Variants in SYT16 observed in about 807,000 individuals in gnomAD.
SYT16 encodes synaptotagmin-16.
In SYT16, 42 loss-of-function variants were observed where a neutral mutation model predicts 61.4. That is an observed-to-expected ratio of 0.68 (90% confidence interval 0.53 to 0.89). The LOEUF (loss-of-function observed/expected upper bound fraction) is 0.89. Among genes scored for constraint, SYT16 ranks in the 40% least tolerant of loss-of-function variants. SYT16 has a pLI of 0.00. For synonymous variants in SYT16, 314 were observed against 302.3 expected (o/e 1.04, Z -0.40); for missense variants, 804 against 807.3 (o/e 1.00, Z 0.05).
At chr14:61,830,183 T>G (rs2045896249) in intron 1 of SYT16, among the ~76,000 whole-genome samples, 1 of 152,372 alleles carries the variant, frequency 6.6e-6, no homozygotes, top group Non-Finnish European at 1.5e-5. Flanking sequence ...CGCTTTAAAA[T>G]CCTTGTCATA....
chr14:62,080,043 G>A (rs2056652027), intron 5 of SYT16, among the ~76,000 whole-genome samples: 1 of 152,200 alleles, frequency 6.6e-6, no homozygotes, highest in Admixed American at 6.5e-5. Flanking sequence ...CTAGACTACC[G>A]AGAGGCTGGT....
intron 2 of SYT16, among the ~76,000 whole-genome samples, chr14:61,991,252 G>A (rs1378987754): frequency 6.6e-6 from 1 of 151,710 alleles, no homozygotes; most frequent in Admixed American, 6.6e-5. Context: ...GTAATAATGG[G>A]CCTTCTCAGA....
intron 1 of SYT16, among the ~76,000 whole-genome samples, chr14:61,939,620 G>T (rs140697291): frequency 3.3e-5 from 5 of 152,124 alleles, no homozygotes; most frequent in Admixed American, 1.3e-4. Flanking sequence ...GATGCCAGTC[G>T]TGTTGGATCT....
At chr14:62,039,303 G>T (rs533459782) in intron 3 of SYT16, among the ~76,000 whole-genome samples, 7 of 152,276 alleles carry the variant, frequency 4.6e-5, no homozygotes, top group African/African-American at 1.7e-4. Flanking sequence ...GAGGTGCCTT[G>T]GTCATTATGA....
At chr14:62,020,474 C>T (rs1190069669) in intron 3 of SYT16, among the ~76,000 whole-genome samples, 1 of 152,186 alleles carries the variant, frequency 6.6e-6, no homozygotes, top group Non-Finnish European at 1.5e-5. Context: ...GTTACCCATA[C>T]ATTTGCCCAG....
At chr14:61,969,052 G>T (rs1566725410) in intron 1 of SYT16, among the ~76,000 whole-genome samples, 1 of 152,092 alleles carries the variant, frequency 6.6e-6, no homozygotes, top group Non-Finnish European at 1.5e-5. Context: ...AGATTGGTTT[G>T]ATTAATCTTT....
chr14:61,932,885 C>A (rs897178285), intron 1 of SYT16, among the ~76,000 whole-genome samples: 1 of 152,270 alleles, frequency 6.6e-6, no homozygotes. Context: ...CATCTCTGCT[C>A]ACTCAAAATT....
rs1469595112 is a variant in SYT16 at position 62,100,444 on chromosome 14, C to T, written c.1675C>T (p.Arg559Cys). Residue 559 changes from arginine (R) to cysteine (C), a missense_variant, in exon 8 of 8, where the codon CGT becomes TGT. Physicochemically the swap from Arg to Cys is radical, Grantham distance 180. Coordinates refer to ENST00000683842, the MANE Select transcript of SYT16 (RefSeq NM_001367656.1). ...LLNSVGQEMS[R>C]CKTSIRRGQP... Reference sequence around the variant, plus strand: ...CAATTCTGTGGGTCAAGAGATGTCCCGTTGCAAGACGTCCATTCGGCGTGG... The same window carrying T: ...CAATTCTGTGGGTCAAGAGATGTCCTGTTGCAAGACGTCCATTCGGCGTGG... The T allele has an allele frequency of 6.8e-6, 11 of 1,612,964 alleles. No homozygotes were observed. The highest frequency in any genetic ancestry group is 2.2e-5 in the East Asian group (1 of 44,868).
chr14:62,011,022 C>T (rs1342509276), intron 3 of SYT16, among the ~76,000 whole-genome samples: 1 of 152,066 alleles, frequency 6.6e-6, no homozygotes, highest in East Asian at 1.9e-4. Flanking sequence ...TTAATATTTC[C>T]CTTTGCGAAG....
At chr14:61,934,162 T>C (rs531492716) in intron 1 of SYT16, among the ~76,000 whole-genome samples, 1 of 152,356 alleles carries the variant, frequency 6.6e-6, no homozygotes, top group South Asian at 2.1e-4. Context: ...TATAAACTTA[T>C]TTTGTTTGCT....
intron 3 of SYT16, among the ~76,000 whole-genome samples, chr14:62,011,912 T>A (rs368628457): frequency 2.4e-5 from 2 of 83,652 alleles, no homozygotes; most frequent in African/African-American, 4.9e-5. Context: ...CACATATATA[T>A]ACACACACAC....
In SYT16 at chr14:61,894,394, A is replaced by G. The variant is rs574506990; in HGVS notation, c.-324-75738A>G. 3.3e-5 allele frequency among the ~76,000 whole-genome samples: 5 copies of G among 152,012 alleles called. No homozygotes were observed. The South Asian group carries it at 8.3e-4, about 25-fold the overall frequency. ...TAGACATCTTTTTTGTGTTCTAGAC[A>G]TAAGACCGTCCTATCTGCAGCAACT... On this transcript the variant is annotated intron_variant, in intron 1 of 7. Transcript: ENST00000683842.
chr14:61,827,545 ATTT>A (rs1177690797), intron 1 of SYT16, among the ~76,000 whole-genome samples: 1 of 152,202 alleles, frequency 6.6e-6, no homozygotes, highest in East Asian at 1.9e-4. Context: ...TCAGTCTGCC[ATTT>A]TACACTGGAA....
At chr14:61,853,900 A>G (rs1039966546) in intron 1 of SYT16, among the ~76,000 whole-genome samples, 1 of 152,330 alleles carries the variant, frequency 6.6e-6, no homozygotes, top group Admixed American at 6.5e-5. Context: ...TTCATCAAGG[A>G]CATAAAATTT....
intron 1 of SYT16, among the ~76,000 whole-genome samples, chr14:61,876,236 T>C (rs1356520294): frequency 1.3e-5 from 2 of 152,214 alleles, no homozygotes; most frequent in Non-Finnish European, 2.9e-5. Context: ...ACATATAAAA[T>C]CAAGAGTACC....
intron 1 of SYT16, among the ~76,000 whole-genome samples, chr14:61,823,077 C>G (rs112642007): frequency 2.0e-5 from 3 of 152,286 alleles, no homozygotes; most frequent in African/African-American, 7.2e-5. Flanking sequence ...ACTGCAACCT[C>G]TGCCTCCTGG....
At chr14:61,911,267 A>G (rs1360732314) in intron 1 of SYT16, among the ~76,000 whole-genome samples, 1 of 152,166 alleles carries the variant, frequency 6.6e-6, no homozygotes, top group Non-Finnish European at 1.5e-5. Flanking sequence ...AGGCTTGGAG[A>G]TCTGCTATCA....
intron 1 of SYT16, among the ~76,000 whole-genome samples, chr14:61,887,161 A>C (rs151309485): frequency 6.6e-6 from 1 of 152,180 alleles, no homozygotes; most frequent in East Asian, 1.9e-4. Context: ...ACACATCTCT[A>C]TCAGAGCTCT....
At chr14:61,925,774 T>C (rs138250496) in intron 1 of SYT16, among the ~76,000 whole-genome samples, 106 of 152,276 alleles carry the variant, frequency 7.0e-4, no homozygotes, top group African/African-American at 2.2e-3. Context: ...ATCTCTTACC[T>C]TGAAGGTGAG....
Sources: gnomAD v4.1 joint callset for allele counts (sites outside exome capture counted in the v4.1 genomes callset) on GRCh38, gnomAD v4.1.1 for gene constraint, MANE v1.5 for transcripts, NCBI Gene and HGNC (gene_info 2026-07-23, HGNC 2026-07-21) for gene names.